DNAH7: variants seen among roughly 807,000 people sequenced by gnomAD.
DNAH7 encodes the protein dynein axonemal heavy chain 7, also known as axonemal beta dynein heavy chain 7.
DNAH7 carries 397 observed loss-of-function variants against 444.6 expected under a neutral mutation model. The observed-to-expected ratio is 0.89, with a 90% CI of 0.82 to 0.97. The LOEUF is 0.97. Among genes scored for constraint, DNAH7 ranks in the 50% least tolerant of loss-of-function variants. The pLI, the probability that DNAH7 is intolerant of heterozygous loss-of-function variation, is 0.00. For synonymous variants in DNAH7, 1,636 were observed against 1,624.4 expected (o/e 1.01, Z -0.17); for missense variants, 4,902 against 4,800.8 (o/e 1.02, Z -0.62).
At chr2:195,863,169 T>C (rs952153183) in intron 41 of DNAH7, among the ~76,000 whole-genome samples, 3 of 152,252 alleles carry the variant, frequency 2.0e-5, no homozygotes, top group African/African-American at 4.8e-5. Flanking sequence ...ATGTGCTTCA[T>C]CTCCAGCTTT....
chr2:195,796,736 C>T lies in DNAH7; in HGVS notation c.10355G>A (p.Gly3452Glu), dbSNP rs145093105. Residue 3452 changes from glycine to glutamate, a missense_variant and splice_region_variant, in exon 56 of 65, where the codon GGA becomes GAA. Physicochemically the swap from Gly to Glu is moderately conservative, Grantham distance 98 (BLOSUM62 -2). Coordinates refer to ENST00000312428, the MANE Select transcript of DNAH7 (RefSeq NM_018897.3). Reference sequence around the variant, plus strand: ...AGAGCTAAGTTTTGATCCCCCATATCCCTGTGTACAAGAATAGTAGAGATG... The same window carrying T: ...AGAGCTAAGTTTTGATCCCCCATATTCCTGTGTACAAGAATAGTAGAGATG... Reference protein sequence around the residue: ...AALLKFADDQGYGGSKLSSLS... With the variant: ...AALLKFADDQEYGGSKLSSLS... The T allele has an allele frequency of 6.2e-7, 1 of 1,613,230 alleles. No homozygotes were observed. The highest frequency in any genetic ancestry group is 8.5e-7 in the Non-Finnish European group (1 of 1,179,616).
intron 49 of DNAH7, among the ~76,000 whole-genome samples, chr2:195,819,537 A>C (rs1697365123): frequency 6.6e-6 from 1 of 152,182 alleles, no homozygotes; most frequent in Non-Finnish European, 1.5e-5. Flanking sequence ...ACCATGAATC[A>C]GGCTCTATGA....
chr2:195,872,215 T>G (rs761915903), intron 40 of DNAH7, 35 bp downstream of exon 40: 1 of 1,494,290 alleles, frequency 6.7e-7, no homozygotes, highest in Non-Finnish European at 9.2e-7. Context: ...TCTTTGTTTC[T>G]CACATAATCC....
chr2:195,875,448 G>A (rs1056472493), intron 38 of DNAH7, among the ~76,000 whole-genome samples: 6 of 152,280 alleles, frequency 3.9e-5, no homozygotes, highest in Non-Finnish European at 7.4e-5. Context: ...GTTCCAGAAG[G>A]TGGGAGAAAA....
At position 195,934,580 on chromosome 2, in the gene DNAH7, T is replaced by A. The variant is rs574067650; in HGVS notation, c.3471+11A>T. 113 of 1,613,002 alleles carry A rather than the reference T, an allele frequency of 7.0e-5. No individual in the cohort carries two copies. The highest frequency in any genetic ancestry group is 8.5e-5 in the Non-Finnish European group (100 of 1,179,180). On this transcript the variant is annotated intron_variant, in intron 21 of 64. Coordinates refer to ENST00000312428, the MANE Select transcript of DNAH7 (RefSeq NM_018897.3). ...CATCCTTTTCTAAAAATCATCAGTA[T>A]AATCAGCTACCTTGTGGATGGAGTT... is the stretch of plus-strand genomic sequence containing the variant.
intron 15 of DNAH7, among the ~76,000 whole-genome samples, chr2:195,974,259 A>G (rs1692039276): frequency 6.6e-6 from 1 of 152,226 alleles, no homozygotes. Context: ...GGTGGTTTCC[A>G]CAAGTAACAA....
chr2:196,036,159 G>A (rs1459333448), intron 5 of DNAH7, among the ~76,000 whole-genome samples: 1 of 151,474 alleles, frequency 6.6e-6, no homozygotes, highest in Non-Finnish European at 1.5e-5. Context: ...AGCCTCCCAA[G>A]TAGCTGGAAC....
At chr2:195,756,542 C>T (rs918764021) in intron 61 of DNAH7, among the ~76,000 whole-genome samples, 7 of 151,866 alleles carry the variant, frequency 4.6e-5, no homozygotes, top group Non-Finnish European at 1.0e-4. Flanking sequence ...GAGACGGGAT[C>T]CTTCTCTATT....
At position 195,999,195 on chromosome 2, in the gene DNAH7, C is replaced by T. The variant is rs752350581; in HGVS notation, c.1353+1509G>A. 4 of 717,300 alleles carry T rather than the reference C, an allele frequency of 5.6e-6. No homozygotes were observed. In the Admixed American group the frequency reaches 8.0e-5, roughly 14 times the overall value. 44.4% of individuals were successfully genotyped at this position (717,300 alleles called of 1,614,324 possible). A position where few individuals can be genotyped will look rare whatever the true frequency, so the allele number is the denominator to read the frequency against. On this transcript the variant is annotated intron_variant, in intron 12 of 64. Coordinates refer to ENST00000312428, the MANE Select transcript of DNAH7 (RefSeq NM_018897.3). The stretch of plus-strand genomic sequence containing the variant: ...CTTCAGAATGCTGAAAGGTGACAGA[C>T]CTTTGAATATGAGAAAAGTAAAAAT...
intron 51 of DNAH7, among the ~76,000 whole-genome samples, chr2:195,815,970 C>T (rs1487970368): frequency 6.6e-6 from 1 of 152,060 alleles, no homozygotes; most frequent in Non-Finnish European, 1.5e-5. Context: ...CCTGCCTGGG[C>T]GACAGAGTGA....
Position 195,957,181 on chromosome 2 carries a change from A to G in DNAH7, c.3078+80T>C, listed in dbSNP as rs1690724342. 8.3e-6 allele frequency: 10 copies of G among 1,202,350 alleles called. No homozygotes were observed. In the South Asian group the frequency reaches 2.0e-4, roughly 24 times the overall value. The allele number at this position is 1,202,350 out of a possible 1,614,324, so 74.5% of individuals were successfully genotyped here. Reference sequence around the variant, plus strand: ...AGATAATGGCTTATTGGAAACAATAATGGCTTATATGGATTTCTGAAAACA... The same window carrying G: ...AGATAATGGCTTATTGGAAACAATAGTGGCTTATATGGATTTCTGAAAACA... On this transcript the variant is annotated intron_variant, in intron 19 of 64. Transcript: ENST00000312428.
chr2:195,833,822 C>T (rs1698192916), intron 48 of DNAH7, among the ~76,000 whole-genome samples: 1 of 152,112 alleles, frequency 6.6e-6, no homozygotes. Flanking sequence ...GTGGCACTCT[C>T]TCGGCTCACT....
At chr2:195,788,483 C>G (rs1161637875) in intron 57 of DNAH7, among the ~76,000 whole-genome samples, 2 of 152,090 alleles carry the variant, frequency 1.3e-5, no homozygotes, top group Non-Finnish European at 1.5e-5. Flanking sequence ...ACTTTACTAC[C>G]TAACAGTAAC....
chr2:195,796,860 A>G (rs901558392), intron 55 of DNAH7, 123 bp from the exon 56 acceptor site: 2 of 973,918 alleles, frequency 2.1e-6, no homozygotes, highest in African/African-American at 3.3e-5. Context: ...TCAAAAAGCC[A>G]AACACATGCA....
At chr2:195,882,475 A>G (rs2125177957) in intron 35 of DNAH7, among the ~76,000 whole-genome samples, 1 of 152,316 alleles carries the variant, frequency 6.6e-6, no homozygotes, top group African/African-American at 2.4e-5. Flanking sequence ...TGTATAGAAA[A>G]AAATATATAA....
In DNAH7 at chr2:195,879,585, C is replaced by G. The variant is rs375195469; in HGVS notation, c.5961+2210G>C. Among the ~76,000 whole-genome samples the G allele has an allele frequency of 4.1e-3, 629 of 152,230 alleles. 1 individual carries two copies. Among genetic ancestry groups the G allele is most frequent in the Middle Eastern group, 0.034 (10 of 294 alleles). ...GTTTAAATGAATACCTCTTATAATACTACCGCAGATAAAATTTCACTTGGT... is the reference window on the plus strand; with the variant it reads ...GTTTAAATGAATACCTCTTATAATAGTACCGCAGATAAAATTTCACTTGGT... On this transcript the variant is annotated intron_variant, in intron 36 of 64. Coordinates refer to ENST00000312428, the MANE Select transcript of DNAH7 (RefSeq NM_018897.3).
At chr2:195,987,628 A>G (rs1162280911) in intron 13 of DNAH7, among the ~76,000 whole-genome samples, 2 of 152,126 alleles carry the variant, frequency 1.3e-5, no homozygotes, top group Non-Finnish European at 2.9e-5. Flanking sequence ...TGTAATTACC[A>G]TATTTTCCAT....
chr2:195,742,206 C>T (rs1693085154), intron 63 of DNAH7, among the ~76,000 whole-genome samples: 4 of 152,130 alleles, frequency 2.6e-5, no homozygotes, highest in Admixed American at 2.6e-4. Context: ...GCGTCTTTAC[C>T]TCTGTGGCCA....
intron 63 of DNAH7, among the ~76,000 whole-genome samples, chr2:195,752,392 C>T (rs184607403): frequency 1.2e-3 from 178 of 152,044 alleles, no homozygotes; most frequent in Admixed American, 8.4e-3. Context: ...ATGGTGGTGC[C>T]ATTTATTGAA....
Sources: allele counts gnomAD v4.1 joint callset (sites outside exome capture counted in the v4.1 genomes callset), GRCh38; gene constraint gnomAD v4.1.1; transcripts MANE v1.5; gene names NCBI Gene and HGNC (gene_info 2026-07-23, HGNC 2026-07-21).